Variants in LUZP2 observed in about 807,000 individuals in gnomAD.
LUZP2 encodes leucine zipper protein 2.
LUZP2 carries 52 observed loss-of-function variants against 51.6 expected under a neutral mutation model. The ratio of observed to expected loss-of-function variants is 1.01; its 90% CI spans 0.81 to 1.27. LUZP2 has a LOEUF of 1.27. Among genes scored for constraint, LUZP2 ranks in the 50% most tolerant of loss-of-function variants. The pLI, the probability that LUZP2 is intolerant of heterozygous loss-of-function variation, is 0.00. For synonymous variants in LUZP2, 154 were observed against 137.3 expected (o/e 1.12, Z -0.85); for missense variants, 436 against 395.4 (o/e 1.10, Z -0.87).
chr11:24,857,321 AC>A (rs1206174834), intron 5 of LUZP2, among the ~76,000 whole-genome samples: 14 of 139,564 alleles, frequency 1.0e-4, no homozygotes, highest in Non-Finnish European at 1.6e-4. Context: ...ATACACACAC[AC>A]ACACACACAT....
intron 9 of LUZP2, among the ~76,000 whole-genome samples, chr11:25,006,389 A>C (rs1014068896): frequency 6.6e-6 from 1 of 152,176 alleles, no homozygotes; most frequent in Admixed American, 6.5e-5. Flanking sequence ...CCACAGGATC[A>C]ACCAACTTTC....
chr11:24,760,570 T>C (rs1280174762), intron 4 of LUZP2, among the ~76,000 whole-genome samples: 1 of 152,198 alleles, frequency 6.6e-6, no homozygotes, highest in Admixed American at 6.5e-5. Flanking sequence ...TCTCTTTCTG[T>C]ATTATGTGTT....
chr11:24,754,152 T>G (rs1211307751), intron 4 of LUZP2, among the ~76,000 whole-genome samples: 1 of 152,132 alleles, frequency 6.6e-6, no homozygotes, highest in Non-Finnish European at 1.5e-5. Context: ...CAGTGTTTTT[T>G]GTTTGTTTGT....
At chr11:24,786,323 A>G (rs1849244516) in intron 5 of LUZP2, 11 of 982,122 alleles carry the variant, frequency 1.1e-5, no homozygotes, top group Non-Finnish European at 1.3e-5. Context: ...ACCACGGGAA[A>G]AAAGTAGTCA....
At chr11:25,070,114 G>A (rs1161792989) in intron 10 of LUZP2, among the ~76,000 whole-genome samples, 2 of 151,746 alleles carry the variant, frequency 1.3e-5, no homozygotes, top group Non-Finnish European at 2.9e-5. Context: ...AAACCTTAAG[G>A]TAAGAGCACT....
intron 1 of LUZP2, among the ~76,000 whole-genome samples, chr11:24,632,948 A>G (rs947375769): frequency 1.3e-5 from 2 of 152,024 alleles, no homozygotes; most frequent in African/African-American, 4.8e-5. Context: ...ACTGCAACCA[A>G]TGGATCTCAA....
At chr11:24,912,054 G>A (rs1212162104) in intron 6 of LUZP2, among the ~76,000 whole-genome samples, 1 of 152,038 alleles carries the variant, frequency 6.6e-6, no homozygotes, top group Non-Finnish European at 1.5e-5. Flanking sequence ...AAGTGATACA[G>A]AATTATTAAC....
At chr11:24,949,688 C>T (rs530885811) in intron 7 of LUZP2, among the ~76,000 whole-genome samples, 3 of 151,456 alleles carry the variant, frequency 2.0e-5, no homozygotes, top group African/African-American at 4.8e-5. Flanking sequence ...ATGGATATTT[C>T]GAAACACTGA....
intron 5 of LUZP2, among the ~76,000 whole-genome samples, chr11:24,776,546 G>A (rs910720641): frequency 6.6e-6 from 1 of 152,078 alleles, no homozygotes; most frequent in East Asian, 1.9e-4. Context: ...TGCCATCCTC[G>A]ATCATTTTCT....
intron 1 of LUZP2, among the ~76,000 whole-genome samples, chr11:24,681,854 A>AT (rs1398641923): frequency 6.6e-6 from 1 of 152,128 alleles, no homozygotes; most frequent in African/African-American, 2.4e-5. Context: ...ATTTTATGGC[A>AT]TTTTTCCAGG....
At chr11:24,758,728 T>C (rs948572909) in intron 4 of LUZP2, among the ~76,000 whole-genome samples, 2 of 152,068 alleles carry the variant, frequency 1.3e-5, no homozygotes, top group Admixed American at 6.5e-5. Flanking sequence ...GATAATCTTA[T>C]GTATTGTCCT....
At chr11:24,970,399 G>A (rs1218136110) in intron 7 of LUZP2, among the ~76,000 whole-genome samples, 1 of 152,054 alleles carries the variant, frequency 6.6e-6, no homozygotes, top group Non-Finnish European at 1.5e-5. Context: ...GTAAGGTATA[G>A]TTTTATATTC....
intron 9 of LUZP2, among the ~76,000 whole-genome samples, chr11:25,034,421 A>G (rs1212752932): frequency 6.6e-6 from 1 of 151,966 alleles, no homozygotes; most frequent in African/African-American, 2.4e-5. Flanking sequence ...TTCTTTAGTT[A>G]AATTATATCT....
chr11:24,962,294 G>C (rs919148462), intron 7 of LUZP2, among the ~76,000 whole-genome samples: 1 of 152,142 alleles, frequency 6.6e-6, no homozygotes, highest in Non-Finnish European at 1.5e-5. Flanking sequence ...TGTATTTCCC[G>C]AATCTGAATG....
At chr11:24,522,329 CT>C (rs954209852) in intron 1 of LUZP2, among the ~76,000 whole-genome samples, 15 of 143,710 alleles carry the variant, frequency 1.0e-4, no homozygotes, top group East Asian at 1.0e-3. Flanking sequence ...TCTTAGATTG[CT>C]TTTTTTTTTC....
In LUZP2 at chr11:24,600,215, A is replaced by ACACG. The variant is rs564553689; in HGVS notation, c.62+102914_62+102917dup. Among the ~76,000 whole-genome samples the ACACG allele has an allele frequency of 5.7e-3, 835 of 145,540 alleles. 8 individuals are homozygous for ACACG. Among genetic ancestry groups the ACACG allele is most frequent in the African/African-American group, 0.02 (787 of 38,910 alleles). Reference sequence around the variant, plus strand: ...CACACACACACACACACACACACACACACGCACAATGGGGTAACATCATGT... The same window carrying ACACG: ...CACACACACACACACACACACACACACACGCACGCACAATGGGGTAACATCATGT... On this transcript the variant is annotated intron_variant, in intron 1 of 11. Coordinates refer to ENST00000336930, the MANE Select transcript of LUZP2 (RefSeq NM_001009909.4).
chr11:24,963,059 G>A (rs1057309996), intron 7 of LUZP2, among the ~76,000 whole-genome samples: 2 of 152,260 alleles, frequency 1.3e-5, no homozygotes, highest in South Asian at 2.1e-4. Context: ...TATCAGCAGC[G>A]GTGTTTGCAG....
At chr11:24,527,567 T>TCTCACA (rs796404136) in intron 1 of LUZP2, among the ~76,000 whole-genome samples, 2,379 of 131,574 alleles carry the variant, frequency 0.018, 47 homozygotes, top group African/African-American at 0.053. Context: ...TCTCTCTCTC[T>TCTCACA]CACACACACA....
intron 1 of LUZP2, among the ~76,000 whole-genome samples, chr11:24,692,282 C>G (rs181802850): frequency 9.2e-5 from 14 of 151,972 alleles, no homozygotes; most frequent in Admixed American, 8.5e-4. Context: ...TATGCAGAAG[C>G]AAAAAGTGCT....
Sources: gnomAD v4.1 joint callset for allele counts (sites outside exome capture counted in the v4.1 genomes callset) on GRCh38, gnomAD v4.1.1 for gene constraint, MANE v1.5 for transcripts, NCBI Gene and HGNC (gene_info 2026-07-23, HGNC 2026-07-21) for gene names.